CPNE4: variants seen among roughly 807,000 people sequenced by gnomAD.
The protein encoded by CPNE4 is copine-4.
In CPNE4, 25 loss-of-function variants were observed where a neutral mutation model predicts 67.9. The ratio of observed to expected loss-of-function variants is 0.37; its 90% CI spans 0.27 to 0.51. The LOEUF is 0.51. Among genes scored for constraint, CPNE4 ranks in the 20% least tolerant of loss-of-function variants. CPNE4 has a pLI of 0.93. For synonymous variants in CPNE4, 242 were observed against 244.9 expected, an observed-to-expected ratio of 0.99 and a Z score of 0.11; for missense variants, 464 against 690.8, an observed-to-expected ratio of 0.67 and a Z score of 3.68.
intron 10 of CPNE4, among the ~76,000 whole-genome samples, chr3:131,570,389 G>A (rs1937278575): frequency 6.6e-6 from 1 of 151,476 alleles, no homozygotes. Context: ...ACATTGTGCA[G>A]GTTAGTTACA....
chr3:131,834,026 T>C (rs1172853789), intron 2 of CPNE4, among the ~76,000 whole-genome samples: 1 of 152,226 alleles, frequency 6.6e-6, no homozygotes, highest in Non-Finnish European at 1.5e-5. Flanking sequence ...CAGGAAAGCA[T>C]GAAATATCTG....
At chr3:131,545,260 A>G (rs1404275265) in intron 14 of CPNE4, among the ~76,000 whole-genome samples, 1 of 152,208 alleles carries the variant, frequency 6.6e-6, no homozygotes, top group African/African-American at 2.4e-5. Context: ...TTCAACAATT[A>G]AAAAATCTAA....
At chr3:131,625,642 C>A (rs2079055178) in intron 7 of CPNE4, among the ~76,000 whole-genome samples, 1 of 152,172 alleles carries the variant, frequency 6.6e-6, no homozygotes, top group Non-Finnish European at 1.5e-5. Flanking sequence ...AGGATATGTT[C>A]TAAGACTTCC....
chr3:131,805,813 T>C (rs899279160), intron 2 of CPNE4, among the ~76,000 whole-genome samples: 2 of 152,194 alleles, frequency 1.3e-5, no homozygotes, highest in African/African-American at 4.8e-5. Context: ...CACTGTGCCC[T>C]ACTGGTTGAG....
chr3:131,974,927 G>C (rs547153231), intron 1 of CPNE4, among the ~76,000 whole-genome samples: 59 of 152,250 alleles, frequency 3.9e-4, no homozygotes, highest in Admixed American at 6.5e-4. Flanking sequence ...AGGATGGCTT[G>C]AGCCTGGGAG....
intron 1 of CPNE4, among the ~76,000 whole-genome samples, chr3:131,984,186 T>C (rs1354991374): frequency 6.6e-6 from 1 of 152,164 alleles, no homozygotes; most frequent in Non-Finnish European, 1.5e-5. Flanking sequence ...GCCACACAAA[T>C]GGTAAGTGAC....
At chr3:131,646,882 G>T (rs2079681788) in intron 7 of CPNE4, among the ~76,000 whole-genome samples, 1 of 152,188 alleles carries the variant, frequency 6.6e-6, no homozygotes, top group Non-Finnish European at 1.5e-5. Context: ...CTCTGTTGCT[G>T]CTAGGGAATA....
At chr3:131,618,801 G>T (rs989738171) in intron 7 of CPNE4, among the ~76,000 whole-genome samples, 1 of 152,098 alleles carries the variant, frequency 6.6e-6, no homozygotes, top group South Asian at 2.1e-4. Context: ...CATTCCCAAG[G>T]AGAGAGACAG....
intron 1 of CPNE4, among the ~76,000 whole-genome samples, chr3:131,932,927 A>G (rs2071113735): frequency 6.6e-6 from 1 of 152,174 alleles, no homozygotes; most frequent in Non-Finnish European, 1.5e-5. Context: ...AGGCTGAGCC[A>G]GAAGGATCGC....
intron 2 of CPNE4, among the ~76,000 whole-genome samples, chr3:131,742,150 G>C (rs11923816): frequency 0.29 from 44,257 of 152,048 alleles, 6,531 homozygotes; most frequent in Middle Eastern, 0.32. Flanking sequence ...CTGGATGAGA[G>C]TAACATTTGA....
chr3:131,823,927 C>G (rs1189941547), intron 2 of CPNE4, among the ~76,000 whole-genome samples: 1 of 152,098 alleles, frequency 6.6e-6, no homozygotes, highest in Non-Finnish European at 1.5e-5. Context: ...CTTTGCAGCT[C>G]CTTTAACACC....
chr3:131,819,775 CAGGAAGT>C (rs955196490), intron 2 of CPNE4, among the ~76,000 whole-genome samples: 8 of 152,126 alleles, frequency 5.3e-5, no homozygotes, highest in African/African-American at 1.9e-4. Flanking sequence ...GGCATTAACA[CAGGAAGT>C]AGAGAAGAAT....
intron 7 of CPNE4, among the ~76,000 whole-genome samples, chr3:131,615,889 TCTCACA>T (rs1300634770): frequency 6.0e-5 from 6 of 100,266 alleles, no homozygotes; most frequent in African/African-American, 1.9e-4. Flanking sequence ...CATCTCTCTC[TCTCACA>T]CACACACACA....
intron 6 of CPNE4, among the ~76,000 whole-genome samples, chr3:131,684,956 A>T (rs1218791864): frequency 1.3e-5 from 2 of 152,212 alleles, no homozygotes; most frequent in Non-Finnish European, 2.9e-5. Context: ...AGATACAACT[A>T]GACTAAGTGG....
At chr3:132,009,555 A>C (rs1402850290) in intron 1 of CPNE4, among the ~76,000 whole-genome samples, 1 of 152,184 alleles carries the variant, frequency 6.6e-6, no homozygotes, top group Non-Finnish European at 1.5e-5. Flanking sequence ...TGTCTGAGAA[A>C]TTTGGGAAGA....
intron 15 of CPNE4, among the ~76,000 whole-genome samples, chr3:131,541,820 G>A (rs1935511635): frequency 6.6e-6 from 1 of 151,924 alleles, no homozygotes; most frequent in Non-Finnish European, 1.5e-5. Context: ...ACAGGCGCCT[G>A]CCACCACGCC....
At chr3:132,004,363 G>T (rs2073533093) in intron 1 of CPNE4, among the ~76,000 whole-genome samples, 1 of 151,952 alleles carries the variant, frequency 6.6e-6, no homozygotes, top group South Asian at 2.1e-4. Flanking sequence ...TTAATATTTT[G>T]GTGTATTAAT....
At chr3:131,548,899 T>C (rs1177631340) in intron 14 of CPNE4, among the ~76,000 whole-genome samples, 1 of 152,118 alleles carries the variant, frequency 6.6e-6, no homozygotes, top group Middle Eastern at 3.2e-3. Context: ...GGAGTGCAGA[T>C]TATAAGTGGG....
chr3:131,666,776 T>A (rs1358764907), intron 7 of CPNE4, among the ~76,000 whole-genome samples: 2 of 150,782 alleles, frequency 1.3e-5, no homozygotes, highest in African/African-American at 4.9e-5. Context: ...ACCAGCCTGG[T>A]TTCTTCACTA....
Sources: gnomAD v4.1 joint callset for allele counts (sites outside exome capture counted in the v4.1 genomes callset) on GRCh38, gnomAD v4.1.1 for gene constraint, MANE v1.5 for transcripts, NCBI Gene and HGNC (gene_info 2026-07-23, HGNC 2026-07-21) for gene names.